Variants in VRTN observed in about 807,000 individuals in gnomAD.
VRTN encodes vertnin.
VRTN carries 5 observed loss-of-function variants against 18.2 expected under a neutral mutation model. The observed-to-expected ratio is 0.27, with a 90% CI of 0.14 to 0.58. The LOEUF (loss-of-function observed/expected upper bound fraction) is 0.58, where lower values mean the gene tolerates loss of function less well. Ranked by LOEUF, VRTN falls within the 20% of genes least tolerant of loss-of-function variation. The probability of loss-of-function intolerance (pLI) is 0.91; values close to 1 mark genes in which losing one functional copy is unlikely to be tolerated. For synonymous variants in VRTN, 381 were observed against 393.7 expected, an observed-to-expected ratio of 0.97 and a Z score of 0.38; for missense variants, 741 against 939.4, an observed-to-expected ratio of 0.79 and a Z score of 2.76.
intron 1 of VRTN, among the ~76,000 whole-genome samples, chr14:74,316,245 T>C (rs181949509): frequency 4.1e-4 from 62 of 152,130 alleles, no homozygotes; most frequent in African/African-American, 1.4e-3. Context: ...AGGCTGGGTG[T>C]GGTGGTTTAC....
upstream of VRTN, among the ~76,000 whole-genome samples, chr14:74,346,660 C>CA (rs1309601408): frequency 6.6e-6 from 1 of 152,110 alleles, no homozygotes; most frequent in Non-Finnish European, 1.5e-5. Context: ...TGGATTAGAA[C>CA]AAAATATACT....
chr14:74,356,706 G>T, intron 1 of VRTN, 77 bp from the exon 2 acceptor site: 1 of 1,492,172 alleles, frequency 6.7e-7, no homozygotes, highest in Non-Finnish European at 8.9e-7. Context: ...AAGTGCAGGA[G>T]TGGACAGGGC....
chr14:74,304,243 G>A (rs2085265639), intron 1 of VRTN, among the ~76,000 whole-genome samples: 1 of 151,690 alleles, frequency 6.6e-6, no homozygotes, highest in Non-Finnish European at 1.5e-5. Context: ...TGCAACCTGT[G>A]CCTCCCGGGT....
intron 1 of VRTN, among the ~76,000 whole-genome samples, chr14:74,332,354 T>TTTTTTTTTC: frequency 8.3e-6 from 1 of 120,318 alleles, no homozygotes; most frequent in Non-Finnish European, 1.6e-5. Context: ...TTTTTTTTTT[T>TTTTTTTTTC]TTTTTTTTTT....
At chr14:74,355,683 T>C (rs1265408939) in intron 1 of VRTN, among the ~76,000 whole-genome samples, 1 of 152,088 alleles carries the variant, frequency 6.6e-6, no homozygotes, top group African/African-American at 2.4e-5. Context: ...TACAGGTGCA[T>C]TCCACCATGC....
At chr14:74,342,667 T>C (rs1366987786) in intron 2 of VRTN, among the ~76,000 whole-genome samples, 1 of 151,920 alleles carries the variant, frequency 6.6e-6, no homozygotes, top group Non-Finnish European at 1.5e-5. Context: ...AGACAGGGTC[T>C]CACTCTGTCA....
chr14:74,353,984 G>C (rs1020101544), intron 1 of VRTN, among the ~76,000 whole-genome samples: 17 of 152,140 alleles, frequency 1.1e-4, no homozygotes, highest in African/African-American at 4.1e-4. Context: ...ATGTTAGCCA[G>C]GCTGGTCTTG....
chr14:74,319,382 G>T (rs1595164512), intron 1 of VRTN, among the ~76,000 whole-genome samples: 1 of 152,186 alleles, frequency 6.6e-6, no homozygotes, highest in East Asian at 1.9e-4. Context: ...GAGACAATCA[G>T]ATTTGGGTTT....
chr14:74,352,804 A>C (rs780097006), intron 1 of VRTN, among the ~76,000 whole-genome samples: 12 of 152,254 alleles, frequency 7.9e-5, no homozygotes, highest in Admixed American at 2.0e-4. Context: ...AACTCTGAGA[A>C]CAAGTTTAAT....
At chr14:74,327,626 CG>C (rs1330319881) in intron 1 of VRTN, among the ~76,000 whole-genome samples, 1 of 152,172 alleles carries the variant, frequency 6.6e-6, no homozygotes, top group African/African-American at 2.4e-5. Context: ...TTTGCTGCTC[CG>C]CGATTCCTCC....
chr14:74,351,065 G>C (rs1262921042), intron 1 of VRTN, among the ~76,000 whole-genome samples: 1 of 152,162 alleles, frequency 6.6e-6, no homozygotes, highest in Admixed American at 6.5e-5. Context: ...TGTTTACAAA[G>C]TATCTAGCAG....
intron 2 of VRTN, among the ~76,000 whole-genome samples, chr14:74,342,457 G>A (rs993406728): frequency 9.9e-5 from 15 of 151,864 alleles, no homozygotes; most frequent in Admixed American, 7.9e-4. Context: ...ATATGTATTC[G>A]TGTATATATG....
chr14:74,336,852 C>T (rs1052273304), intron 1 of VRTN, among the ~76,000 whole-genome samples: 2 of 151,986 alleles, frequency 1.3e-5, no homozygotes, highest in African/African-American at 4.8e-5. Flanking sequence ...TTTTCTTTCT[C>T]TCCTCTTTTT....
At chr14:74,349,318 C>T (rs929183480) in intron 1 of VRTN, among the ~76,000 whole-genome samples, 5 of 73,986 alleles carry the variant, frequency 6.8e-5, no homozygotes, top group African/African-American at 2.3e-4. Context: ...AGATGGCTGG[C>T]GCTCCCTTAG....
intron 1 of VRTN, among the ~76,000 whole-genome samples, chr14:74,335,722 C>T (rs181890301): frequency 2.0e-5 from 3 of 151,550 alleles, no homozygotes; most frequent in East Asian, 2.0e-4. Flanking sequence ...GCAGTTTCTC[C>T]CCTTTTACAG....
chr14:74,310,280 C>T (rs1041252623), intron 1 of VRTN, among the ~76,000 whole-genome samples: 26 of 151,532 alleles, frequency 1.7e-4, no homozygotes, highest in African/African-American at 6.3e-4. Context: ...TCCTGTAGTC[C>T]CAGCTACTCG....
intron 1 of VRTN, among the ~76,000 whole-genome samples, chr14:74,310,478 C>T (rs970281736): frequency 1.1e-4 from 16 of 148,396 alleles, no homozygotes; most frequent in Non-Finnish European, 2.2e-4. Context: ...TGCATGGGTT[C>T]AAATCCCCAC....
chr14:74,347,195 T>TAACC (rs2085649169), upstream of VRTN, among the ~76,000 whole-genome samples: 1 of 152,212 alleles, frequency 6.6e-6, no homozygotes, highest in Admixed American at 6.6e-5. Context: ...TATACCCCAT[T>TAACC]AACCACAAAG....
In VRTN at chr14:74,357,275, C is replaced by G. The variant is rs779005344; in HGVS notation, c.492C>G (p.Ser164=). ...TCTTCGATGCCGACGTCAAGGCCTCCTGTTTCCCCAGCAGCTTCTCCAACG... is the reference window on the plus strand; with the variant it reads ...TCTTCGATGCCGACGTCAAGGCCTCGTGTTTCCCCAGCAGCTTCTCCAACG... ...EAIFDADVKA[S]CFPSSFSNVW... The change falls in exon 2 of 2, where the codon TCC becomes TCG. Residue 164 remains serine (S), a synonymous_variant. Transcript: ENST00000256362. The surrounding 1 kb of genome is among the most constrained non-coding windows in gnomAD (Gnocchi z 7.8). The G allele has an allele frequency of 1.9e-6, 3 of 1,613,642 alleles. No individual in the cohort carries two copies. The South Asian group carries it at 3.3e-5, about 18-fold the overall frequency.
Sources: allele counts gnomAD v4.1 joint callset (sites outside exome capture counted in the v4.1 genomes callset), GRCh38; gene constraint gnomAD v4.1.1; non-coding constraint Gnocchi (gnomAD v3.1); transcripts MANE v1.5; gene names NCBI Gene and HGNC (gene_info 2026-07-23, HGNC 2026-07-21).